The following CADPS2 variants were observed in gnomAD, a reference collection of about 807,000 sequenced individuals.
CADPS2 encodes the protein calcium dependent secretion activator 2.
CADPS2 carries 93 observed loss-of-function variants against 172.5 expected under a neutral mutation model. The observed-to-expected ratio is 0.54, with a 90% CI of 0.46 to 0.64. CADPS2 has a LOEUF of 0.64. CADPS2 is among the 30% of genes least tolerant of loss of function. The pLI is 0.00. For synonymous variants in CADPS2, 546 were observed against 555.2 expected (o/e 0.98, Z 0.23); for missense variants, 1,420 against 1,565.9 (o/e 0.91, Z 1.57).
chr7:122,658,699 C>G (rs1360458135), intron 3 of CADPS2, among the ~76,000 whole-genome samples: 5 of 152,032 alleles, frequency 3.3e-5, no homozygotes, highest in African/African-American at 1.2e-4. Context: ...AACACGTGGA[C>G]ACAGGAAGGG....
intron 9 of CADPS2, among the ~76,000 whole-genome samples, chr7:122,507,441 G>A (rs190641138): frequency 1.1e-4 from 17 of 152,178 alleles, no homozygotes; most frequent in Admixed American, 1.1e-3. Flanking sequence ...CTTTGGTGGG[G>A]GTATCTGGTG....
At chr7:122,369,308 T>C (rs1387012213) in intron 25 of CADPS2, among the ~76,000 whole-genome samples, 1 of 151,894 alleles carries the variant, frequency 6.6e-6, no homozygotes, top group Admixed American at 6.6e-5. Context: ...TTTTTTGTAT[T>C]TTTTAGTAGA....
At position 122,416,053 on chromosome 7, in the gene CADPS2, G is replaced by C; in HGVS notation, c.2580+8C>G. 1 of 1,490,636 alleles carries C rather than the reference G, an allele frequency of 6.7e-7. No individual in the cohort carries two copies. Among genetic ancestry groups the C allele is most frequent in the Non-Finnish European group, 9.1e-7 (1 of 1,100,544 alleles). The allele number at this position is 1,490,636 out of a possible 1,614,324, so 92.3% of individuals were successfully genotyped here. Reference sequence around the variant, plus strand: ...TAGCTTTATACTACAGTGAAAACAGGTCATCACCTCTGCATGATGCTCTTC... The same window carrying C: ...TAGCTTTATACTACAGTGAAAACAGCTCATCACCTCTGCATGATGCTCTTC... On this transcript the variant is annotated splice_region_variant and intron_variant, in intron 18 of 29. Transcript: ENST00000449022.
intron 2 of CADPS2, chr7:122,698,431 A>T (rs1456771791): frequency 6.2e-7 from 1 of 1,614,004 alleles, no homozygotes; most frequent in Non-Finnish European, 8.5e-7. Flanking sequence ...TAAATGGAAA[A>T]TTTCCGTGCC....
At chr7:122,832,867 A>G (rs1807020371) in intron 1 of CADPS2, among the ~76,000 whole-genome samples, 1 of 152,200 alleles carries the variant, frequency 6.6e-6, no homozygotes, top group Non-Finnish European at 1.5e-5. Flanking sequence ...AGAATGAGAG[A>G]CTGCTGGCTT....
intron 2 of CADPS2, among the ~76,000 whole-genome samples, chr7:122,718,030 A>G (rs777896220): frequency 9.8e-6 from 1 of 101,774 alleles, no homozygotes; most frequent in Non-Finnish European, 1.8e-5. Context: ...AAGTCTCTCT[A>G]TATTGCCCAG....
At position 122,451,462 on chromosome 7, in the gene CADPS2, C is replaced by A. The variant is rs757714711; in HGVS notation, c.2200G>T (p.Gly734Trp). The change falls in exon 15 of 30, where the codon GGG (glycine) becomes TGG (tryptophan). Residue 734 changes from glycine (G) to tryptophan (W), a missense_variant. Physicochemically the swap from Gly to Trp is radical, Grantham distance 184. Coordinates refer to ENST00000449022, the MANE Select transcript of CADPS2 (RefSeq NM_017954.11). ...HVHGNRPDGI[G>W]TVSVEEKERF... ...TCTTTTTCTTCCACTGAAACAGTCC[C>A]AATTCCATCAGGCCTGAAAAAAAAA... 21 of 1,570,200 alleles carry A rather than the reference C, an allele frequency of 1.3e-5. No homozygotes were observed. In the East Asian group the frequency reaches 4.8e-4, roughly 36 times the overall value.
At chr7:122,587,690 T>C (rs1367014045) in intron 6 of CADPS2, among the ~76,000 whole-genome samples, 2 of 152,112 alleles carry the variant, frequency 1.3e-5, no homozygotes, top group Non-Finnish European at 2.9e-5. Context: ...CTGCAATGAA[T>C]ATATGTGTGC....
At chr7:122,605,608 G>A (rs1354812034) in intron 6 of CADPS2, among the ~76,000 whole-genome samples, 2 of 151,996 alleles carry the variant, frequency 1.3e-5, no homozygotes, top group East Asian at 3.9e-4. Flanking sequence ...GTTAATGCCT[G>A]ACTATTAATG....
rs201603130 is a variant in CADPS2, at chr7:122,513,291, C to T, written c.1500G>A (p.Lys500=). 1.3e-6 allele frequency: 2 copies of T among 1,562,004 alleles called. No individual in the cohort carries two copies. The highest frequency in any genetic ancestry group is 1.4e-5 in the African/African-American group (1 of 73,728). The change falls in exon 9 of 30, where the codon AAG becomes AAA. Residue 500 remains lysine (K), a synonymous_variant. Coordinates refer to ENST00000449022, the MANE Select transcript of CADPS2 (RefSeq NM_017954.11). The stretch of plus-strand genomic sequence containing the variant: ...AACGTTTTTTCCATCTTTTCCAAAC[C>T]TTCTGTCCAAGGGCATACAGATATC... The part of the protein sequence containing the change: ...HSGYLYALGQ[K]VWKRWKKRYF...
chr7:122,886,020 G>A lies in CADPS2; in HGVS notation c.318C>T (p.Asp106=). The change falls in exon 1 of 30, where the codon GAC becomes GAT. Residue 106 remains aspartate, a synonymous_variant. Transcript: ENST00000449022. ...TCACCTTCTGCTGCCTCCGGGCCAT[G>A]TCGGTGGGCTGCTTGGCGTTGAAGG... ...AYPFNAKQPT[D]MARRQQKLNK... 1 of 1,608,308 alleles carries A rather than the reference G, an allele frequency of 6.2e-7. No homozygotes were observed. Among genetic ancestry groups the A allele is most frequent in the Non-Finnish European group, 8.5e-7 (1 of 1,177,780 alleles).
chr7:122,486,817 C>T lies in CADPS2; in HGVS notation c.1852+3264G>A, dbSNP rs117748200. Among the ~76,000 whole-genome samples the T allele has an allele frequency of 6.0e-3, 919 of 152,230 alleles. 2 individuals are homozygous for T. Among genetic ancestry groups the T allele is most frequent in the Middle Eastern group, 0.014 (4 of 294 alleles). ...GTCTTATTTTAAGAAATTGCCACAT[C>T]CACACCAACCTTCAACAACCAGCAA... is the stretch of plus-strand genomic sequence containing the variant. On this transcript the variant is annotated intron_variant, in intron 11 of 29. Transcript: ENST00000449022.
chr7:122,588,005 T>C (rs1475264306), intron 6 of CADPS2, among the ~76,000 whole-genome samples: 2 of 152,142 alleles, frequency 1.3e-5, no homozygotes, highest in African/African-American at 4.8e-5. Flanking sequence ...TGCATGAATG[T>C]CTTCTTTTGA....
At chr7:122,520,887 T>C (rs2060734694) in intron 8 of CADPS2, among the ~76,000 whole-genome samples, 2 of 152,264 alleles carry the variant, frequency 1.3e-5, no homozygotes, top group Admixed American at 1.3e-4. Flanking sequence ...TCATCACTAA[T>C]GAATATTTGA....
intron 17 of CADPS2, among the ~76,000 whole-genome samples, chr7:122,437,790 G>A (rs1279213714): frequency 6.9e-6 from 1 of 144,884 alleles, no homozygotes; most frequent in African/African-American, 2.5e-5. Context: ...TATCCTTAAT[G>A]AATAAAGCCT....
chr7:122,358,173 C>G (rs917215217), intron 27 of CADPS2, among the ~76,000 whole-genome samples: 2 of 152,144 alleles, frequency 1.3e-5, no homozygotes, highest in Admixed American at 1.3e-4. Flanking sequence ...GCCATTCTAA[C>G]AAGTACATAG....
intron 28 of CADPS2, among the ~76,000 whole-genome samples, chr7:122,337,635 A>C (rs1450124436): frequency 1.3e-5 from 2 of 152,112 alleles, no homozygotes; most frequent in Non-Finnish European, 2.9e-5. Flanking sequence ...TCAAAAGTTG[A>C]TCCTTTTATA....
At chr7:122,442,192 T>C (rs1235791259) in intron 15 of CADPS2, among the ~76,000 whole-genome samples, 1 of 152,228 alleles carries the variant, frequency 6.6e-6, no homozygotes, top group African/African-American at 2.4e-5. Flanking sequence ...CTGAAATCAG[T>C]GTCAGACAAG....
chr7:122,701,753 A>C, intron 2 of CADPS2: 1 of 989,368 alleles, frequency 1.0e-6, no homozygotes, highest in Non-Finnish European at 1.5e-6. Flanking sequence ...TTCTCTCTAC[A>C]TAAAGTACAA....
Sources: gnomAD v4.1 joint callset for allele counts (sites outside exome capture counted in the v4.1 genomes callset) on GRCh38, gnomAD v4.1.1 for gene constraint, MANE v1.5 for transcripts, NCBI Gene and HGNC (gene_info 2026-07-23, HGNC 2026-07-21) for gene names.